Variants in ARHGAP32 observed in about 807,000 individuals in gnomAD.
ARHGAP32 encodes the protein rho GTPase-activating protein 32.
A neutral mutation model predicts 186.5 loss-of-function variants in ARHGAP32; 51 were observed. The ratio of observed to expected loss-of-function variants is 0.27; its 90% CI spans 0.22 to 0.35. The LOEUF (loss-of-function observed/expected upper bound fraction) is 0.35, where lower values mean the gene tolerates loss of function less well. Among genes scored for constraint, ARHGAP32 ranks in the 10% least tolerant of loss-of-function variants. The pLI is 1.00. For missense variants in ARHGAP32, 2,186 were observed against 2,623.5 expected, an observed-to-expected ratio of 0.83 and a Z score of 3.64; for synonymous variants, 950 against 964.3, an observed-to-expected ratio of 0.99 and a Z score of 0.27.
At chr11:129,192,437 A>C (rs1163659773), upstream of ARHGAP32, among the ~76,000 whole-genome samples, 1 of 152,184 alleles carries the variant, frequency 6.6e-6, no homozygotes, top group Admixed American at 6.5e-5. Context: ...AGGCTGCGTG[A>C]CCTACATAAC....
At chr11:129,083,970 T>C (rs1489444007) in intron 6 of ARHGAP32, among the ~76,000 whole-genome samples, 1 of 151,886 alleles carries the variant, frequency 6.6e-6, no homozygotes, top group African/African-American at 2.4e-5. Context: ...ACATTACATA[T>C]GAATAAGGAC....
chr11:129,119,714 G>C (rs1942471848), intron 5 of ARHGAP32, among the ~76,000 whole-genome samples: 1 of 152,030 alleles, frequency 6.6e-6, no homozygotes, highest in Non-Finnish European at 1.5e-5. Context: ...TCTTATGTAA[G>C]GAAGGTGCAG....
intron 2 of ARHGAP32, among the ~76,000 whole-genome samples, chr11:129,129,939 C>A (rs1942772964): frequency 6.6e-6 from 1 of 152,134 alleles, no homozygotes; most frequent in African/African-American, 2.4e-5. Flanking sequence ...ATACTGTTTT[C>A]AACTTATATT....
At position 128,974,961 on chromosome 11, in the gene ARHGAP32, T is replaced by C. The variant is rs1319466962; in HGVS notation, c.2236A>G (p.Ser746Gly). Residue 746 changes from serine to glycine, a missense_variant, in exon 21 of 23, where the codon AGT (serine) becomes GGT (glycine). This residue lies in a region of ARHGAP32 where 263 missense variants were observed against 323.5 expected (regional missense o/e 0.81). Transcript: ENST00000682385. ...TTAAAAGAGGCAGACAGTGCATCAC[T>C]GGAAGATCTGGGTCTTCTGGGTCGG... Reference protein sequence around the residue: ...LFRPRRPRSSSDALSASFNGE... With the variant: ...LFRPRRPRSSGDALSASFNGE... 1.9e-6 allele frequency: 3 copies of C among 1,612,418 alleles called. No individual in the cohort carries two copies. Among genetic ancestry groups the C allele is most frequent in the Non-Finnish European group, 1.7e-6 (2 of 1,179,410 alleles).
chr11:129,074,050 T>C lies in ARHGAP32; in HGVS notation c.532-7182A>G, dbSNP rs147717974. ...CTTGTCAAACAAAAATTGAGAAAAT[T>C]TGTGGCCAGCAGACCTGCTCTGTAA... On this transcript the variant is annotated intron_variant, in intron 6 of 22. Transcript: ENST00000682385. 1.5e-3 allele frequency among the ~76,000 whole-genome samples: 224 copies of C among 152,216 alleles called. 1 individual carries two copies. Among genetic ancestry groups the C allele is most frequent in the African/African-American group, 4.9e-3 (203 of 41,532 alleles).
At chr11:129,237,580 G>A (rs2135656428) in intron 1 of ARHGAP32, among the ~76,000 whole-genome samples, 1 of 152,250 alleles carries the variant, frequency 6.6e-6, no homozygotes, top group South Asian at 2.1e-4. Context: ...ATGAACAGAG[G>A]CCTAAATGAA....
chr11:129,170,927 T>A (rs771900126), intron 1 of ARHGAP32, among the ~76,000 whole-genome samples: 12 of 152,246 alleles, frequency 7.9e-5, no homozygotes, highest in Non-Finnish European at 1.3e-4. Context: ...TCAGTTATGT[T>A]GAGCTTCTTT....
Position 128,972,838 on chromosome 11 carries a change from C to A in ARHGAP32, c.3668G>T (p.Ser1223Ile), listed in dbSNP as rs749802544. 6.2e-7 allele frequency: 1 copy of A among 1,614,058 alleles called. No homozygotes were observed. Among genetic ancestry groups the A allele is most frequent in the Admixed American group, 1.7e-5 (1 of 60,018 alleles). Residue 1223 changes from serine to isoleucine, a missense_variant, in exon 22 of 23, where the codon AGT (serine) becomes ATT (isoleucine). By Grantham distance (142) the Ser-to-Ile change is moderately radical (BLOSUM62 -2). Transcript: ENST00000682385. ...DQDQSPPRFYSGDQPPSYLGA... is the reference protein window; with the variant it reads ...DQDQSPPRFYIGDQPPSYLGA... ...AAGATAAGAAGGAGGCTGATCTCCACTGTAGAAACGGGGTGGAGACTGGTC... is the reference window on the plus strand; with the variant it reads ...AAGATAAGAAGGAGGCTGATCTCCAATGTAGAAACGGGGTGGAGACTGGTC...
chr11:129,176,102 C>A (rs1204823563), intron 1 of ARHGAP32, among the ~76,000 whole-genome samples: 3 of 88,022 alleles, frequency 3.4e-5, no homozygotes, highest in African/African-American at 6.0e-5. Context: ...ATCTACCAAG[C>A]AAATGGAAAA....
chr11:129,059,272 C>G (rs571669936), intron 10 of ARHGAP32, among the ~76,000 whole-genome samples: 2 of 152,168 alleles, frequency 1.3e-5, no homozygotes, highest in East Asian at 3.9e-4. Flanking sequence ...TGTTTTCTCT[C>G]CATAAAAATG....
At chr11:129,132,209 T>C (rs1208251102) in intron 2 of ARHGAP32, among the ~76,000 whole-genome samples, 1 of 152,220 alleles carries the variant, frequency 6.6e-6, no homozygotes, top group African/African-American at 2.4e-5. Context: ...CTGGGCGCAG[T>C]AGCTCATGCC....
intron 2 of ARHGAP32, among the ~76,000 whole-genome samples, chr11:129,142,168 G>A (rs897856295): frequency 6.6e-6 from 1 of 152,078 alleles, no homozygotes; most frequent in African/African-American, 2.4e-5. Flanking sequence ...CCCCTCTCAA[G>A]GCAGAAAAAG....
chr11:129,103,062 C>T (rs1941946010), intron 5 of ARHGAP32, among the ~76,000 whole-genome samples: 1 of 152,138 alleles, frequency 6.6e-6, no homozygotes, highest in East Asian at 1.9e-4. Flanking sequence ...TATTATTCAG[C>T]CTCAGCCTTT....
intron 18 of ARHGAP32, 89 bp from the exon 19 acceptor site, chr11:128,979,004 C>T: frequency 8.2e-7 from 1 of 1,224,266 alleles, no homozygotes; most frequent in African/African-American, 1.5e-5. Context: ...CAGAAAGAAC[C>T]AAACAGGCTG....
intron 1 of ARHGAP32, among the ~76,000 whole-genome samples, chr11:129,245,814 T>C (rs1945086972): frequency 6.6e-6 from 1 of 151,982 alleles, no homozygotes; most frequent in South Asian, 2.1e-4. Flanking sequence ...TTGTGTTAAA[T>C]AATAGTGCCT....
chr11:129,050,277 C>T (rs1416691314), intron 10 of ARHGAP32, among the ~76,000 whole-genome samples: 1 of 152,186 alleles, frequency 6.6e-6, no homozygotes, highest in Non-Finnish European at 1.5e-5. Context: ...TGTTGGATAT[C>T]TATGTATTAA....
chr11:129,147,011 G>C (rs1345989341), intron 2 of ARHGAP32, among the ~76,000 whole-genome samples: 4 of 152,002 alleles, frequency 2.6e-5, no homozygotes, highest in African/African-American at 9.7e-5. Flanking sequence ...AAATCAGTAT[G>C]ATTTTTGAGA....
chr11:129,123,967 TCTA>T lies in ARHGAP32; in HGVS notation c.318-41_318-39del, dbSNP rs749375345. 4.7e-6 allele frequency: 6 copies of T among 1,275,998 alleles called. No individual in the cohort carries two copies. The South Asian group carries it at 5.0e-5, about 11-fold the overall frequency. The allele number at this position is 1,275,998 out of a possible 1,614,324, so 79.0% of individuals were successfully genotyped here. A position where few individuals can be genotyped will look rare whatever the true frequency, so the allele number is the denominator to read the frequency against. On this transcript the variant is annotated intron_variant, in intron 3 of 22. Coordinates refer to ENST00000682385, the MANE Select transcript of ARHGAP32 (RefSeq NM_001378024.1). The surrounding 1 kb of genome is among the most constrained non-coding windows in gnomAD (Gnocchi z 4.6). Reference sequence around the variant, plus strand: ...TGAACATTTTTATCCTTGTCTTTCCTCTACTTACACATGAAGCATAACTATCTA... The same window carrying T: ...TGAACATTTTTATCCTTGTCTTTCCTCTTACACATGAAGCATAACTATCTA...
At chr11:129,091,528 G>A (rs1427243020) in intron 6 of ARHGAP32, among the ~76,000 whole-genome samples, 1 of 152,008 alleles carries the variant, frequency 6.6e-6, no homozygotes, top group Non-Finnish European at 1.5e-5. Flanking sequence ...CAGAATAAGA[G>A]AAGAAAGGGT....
Sources: gnomAD v4.1 joint callset for allele counts (sites outside exome capture counted in the v4.1 genomes callset) on GRCh38, gnomAD v4.1.1 for gene constraint, gnomAD v4.1.1 regional missense constraint, Gnocchi (gnomAD v3.1) non-coding constraint, MANE v1.5 for transcripts, NCBI Gene and HGNC (gene_info 2026-07-23, HGNC 2026-07-21) for gene names.